ATP8A1: variants seen among roughly 807,000 people sequenced by gnomAD.
ATP8A1 encodes the protein ATPase phospholipid transporting 8A1.
A neutral mutation model predicts 177.7 loss-of-function variants in ATP8A1; 90 were observed. The observed-to-expected ratio is 0.51, with a 90% confidence interval of 0.43 to 0.60. The LOEUF (loss-of-function observed/expected upper bound fraction) is 0.60, where lower values mean the gene tolerates loss of function less well. Among genes scored for constraint, ATP8A1 ranks in the 20% least tolerant of loss-of-function variants. ATP8A1 has a pLI of 0.00. For missense variants in ATP8A1, 1,072 were observed against 1,392.8 expected (o/e 0.77, Z 3.67); for synonymous variants, 493 against 485.9 (o/e 1.01, Z -0.19).
chr4:42,613,292 A>G (rs1236115635), intron 5 of ATP8A1, among the ~76,000 whole-genome samples: 5 of 152,198 alleles, frequency 3.3e-5, no homozygotes, highest in African/African-American at 1.2e-4. Context: ...CATAAAAGCC[A>G]TAATTTCTTG....
At chr4:42,518,648 A>G (rs1185613389) in intron 22 of ATP8A1, among the ~76,000 whole-genome samples, 1 of 152,236 alleles carries the variant, frequency 6.6e-6, no homozygotes, top group Non-Finnish European at 1.5e-5. Flanking sequence ...CTCACAGTTT[A>G]AAGATTCACT....
intron 1 of ATP8A1, among the ~76,000 whole-genome samples, chr4:42,649,922 AC>A (rs1740919313): frequency 6.6e-6 from 1 of 151,996 alleles, no homozygotes; most frequent in Non-Finnish European, 1.5e-5. Context: ...ACCAGACAAA[AC>A]CCCCTGCCCT....
Position 42,551,207 on chromosome 4 carries a change from A to C in ATP8A1, c.1593T>G (p.Ile531Met), listed in dbSNP as rs1166088235. 1 of 1,612,818 alleles carries C rather than the reference A, an allele frequency of 6.2e-7. No homozygotes were observed. The highest frequency in any genetic ancestry group is 8.5e-7 in the Non-Finnish European group (1 of 1,179,008). ...VFTGRTPDSV[I>M]IDSLGQEERY... is the part of the protein sequence containing the mutation. Reference sequence around the variant, plus strand: ...AAAACAACTAACTTACTGAATCTATAATCACCGAGTCGGGTGTTCTTCCAG... The same window carrying C: ...AAAACAACTAACTTACTGAATCTATCATCACCGAGTCGGGTGTTCTTCCAG... Residue 531 changes from isoleucine (I) to methionine (M), a missense_variant, in exon 18 of 37, where the codon ATT becomes ATG. Ile to Met is a conservative substitution (Grantham distance 10). Transcript: ENST00000381668.
chr4:42,560,495 AAGC>A (rs1251988408), intron 15 of ATP8A1, among the ~76,000 whole-genome samples: 1 of 152,096 alleles, frequency 6.6e-6, no homozygotes, highest in Non-Finnish European at 1.5e-5. Flanking sequence ...CACACGAAAA[AAGC>A]AGGATAACTT....
At chr4:42,460,450 C>T (rs550832018) in intron 27 of ATP8A1, among the ~76,000 whole-genome samples, 2 of 140,594 alleles carry the variant, frequency 1.4e-5, no homozygotes, top group Admixed American at 7.6e-5. Flanking sequence ...TGCAGTGGCA[C>T]AGTCTTGGCT....
At chr4:42,450,454 T>C (rs1717814688) in intron 30 of ATP8A1, among the ~76,000 whole-genome samples, 1 of 152,174 alleles carries the variant, frequency 6.6e-6, no homozygotes, top group Non-Finnish European at 1.5e-5. Context: ...TTGTACACTT[T>C]AAAAGAGTTA....
intron 35 of ATP8A1, among the ~76,000 whole-genome samples, chr4:42,420,822 G>A (rs961163257): frequency 1.3e-4 from 19 of 148,304 alleles, no homozygotes; most frequent in African/African-American, 4.7e-4. Context: ...AGGCTGGAGT[G>A]CAGTGGCATG....
intron 27 of ATP8A1, among the ~76,000 whole-genome samples, chr4:42,461,478 C>A (rs1390731470): frequency 1.3e-5 from 2 of 152,132 alleles, no homozygotes; most frequent in Non-Finnish European, 2.9e-5. Flanking sequence ...TTCCCCTGCA[C>A]AAGTTCTCTT....
intron 1 of ATP8A1, among the ~76,000 whole-genome samples, chr4:42,636,156 A>ACACACACGCGCGCGCGTGCGCG (rs565139270): frequency 5.5e-5 from 5 of 90,898 alleles, no homozygotes; most frequent in African/African-American, 1.7e-4. Context: ...ACACACACAC[A>ACACACACGCGCGCGCGTGCGCG]CGCACACACA....
rs186539698 is a variant in ATP8A1 at position 42,448,554 on chromosome 4, T to C, written c.2897-1910A>G. Among the ~76,000 whole-genome samples the C allele has an allele frequency of 1.6e-4, 24 of 151,372 alleles. No individual in the cohort carries two copies. In the East Asian group the frequency reaches 4.1e-3, roughly 26 times the overall value. Reference sequence around the variant, plus strand: ...TTGGGGTTACAGGCACACGTCACCATGCCCAGCTAATTTTTGTATTTTTGG... The same window carrying C: ...TTGGGGTTACAGGCACACGTCACCACGCCCAGCTAATTTTTGTATTTTTGG... On this transcript the variant is annotated intron_variant, in intron 30 of 36. Coordinates refer to ENST00000381668, the MANE Select transcript of ATP8A1 (RefSeq NM_006095.2).
At chr4:42,485,869 T>C (rs1159296647) in intron 24 of ATP8A1, among the ~76,000 whole-genome samples, 3 of 152,174 alleles carry the variant, frequency 2.0e-5, no homozygotes, top group African/African-American at 7.2e-5. Flanking sequence ...AGTTAGTTAC[T>C]TGATTGAAGT....
chr4:42,566,306 A>G (rs1731340473), intron 15 of ATP8A1, among the ~76,000 whole-genome samples: 1 of 152,210 alleles, frequency 6.6e-6, no homozygotes, highest in Non-Finnish European at 1.5e-5. Flanking sequence ...AATTCAATGA[A>G]CTTTACATGA....
intron 23 of ATP8A1, among the ~76,000 whole-genome samples, chr4:42,506,163 C>T (rs1177604580): frequency 2.0e-5 from 3 of 152,044 alleles, no homozygotes; most frequent in Admixed American, 6.6e-5. Context: ...TGTTTGTGTT[C>T]CCCCCAAATT....
At chr4:42,508,775 A>AT (rs1327283032) in intron 22 of ATP8A1, among the ~76,000 whole-genome samples, 21 of 151,856 alleles carry the variant, frequency 1.4e-4, no homozygotes, top group African/African-American at 3.4e-4. Context: ...TCTTGCCTTC[A>AT]TTTTTTTTCC....
chr4:42,478,318 C>T (rs1054839216), intron 25 of ATP8A1, among the ~76,000 whole-genome samples: 1 of 151,972 alleles, frequency 6.6e-6, no homozygotes, highest in African/African-American at 2.4e-5. Context: ...TTGCAGTGAG[C>T]CAAGACTGCA....
chr4:42,447,509 G>C (rs2153176108), intron 30 of ATP8A1, among the ~76,000 whole-genome samples: 1 of 152,252 alleles, frequency 6.6e-6, no homozygotes, highest in South Asian at 2.1e-4. Context: ...TTAGACGAAG[G>C]AAGTGGTAGC....
At chr4:42,586,198 G>T in intron 9 of ATP8A1, 151 bp downstream of exon 9, 1 of 733,180 alleles carries the variant, frequency 1.4e-6, no homozygotes, top group Non-Finnish European at 2.1e-6. Context: ...CTTCACAGAA[G>T]GACTCAGGGC....
Position 42,555,978 on chromosome 4 carries a change from T to C in ATP8A1, c.1403A>G (p.Gln468Arg). The C allele has an allele frequency of 6.2e-7, 1 of 1,607,456 alleles. No homozygotes were observed. The highest frequency in any genetic ancestry group is 8.5e-7 in the Non-Finnish European group (1 of 1,175,558). Reference sequence around the variant, plus strand: ...TTTTATGTAACTTACATGATTATTTTGGAGATTTTCCAGCAATGATGAATC... The same window carrying C: ...TTTTATGTAACTTACATGATTATTTCGGAGATTTTCCAGCAATGATGAATC... ...FSDSSLLENL[Q>R]NNHPTAPIIC... The change falls in exon 16 of 37, where the codon CAA becomes CGA. Residue 468 changes from glutamine (Q) to arginine (R), a missense_variant. Around this residue, in one of 5 missense-constraint regions of ATP8A1, gnomAD observed 388 missense variants for 471.7 expected, o/e 0.82. Transcript: ENST00000381668.
intron 24 of ATP8A1, among the ~76,000 whole-genome samples, chr4:42,486,495 C>T (rs879320772): frequency 2.6e-5 from 4 of 152,068 alleles, no homozygotes; most frequent in Non-Finnish European, 2.9e-5. Context: ...CCTAATTAGA[C>T]GGGGAGGAAA....
Sources: gnomAD v4.1 joint callset for allele counts (sites outside exome capture counted in the v4.1 genomes callset) on GRCh38, gnomAD v4.1.1 for gene constraint, gnomAD v4.1.1 regional missense constraint, MANE v1.5 for transcripts, NCBI Gene and HGNC (gene_info 2026-07-23, HGNC 2026-07-21) for gene names.